Variants in ELF4 observed in about 807,000 individuals in gnomAD.
ELF4 encodes E74 like ETS transcription factor 4.
Under a neutral mutation model 31.7 loss-of-function variants are expected in ELF4, and 10 were observed. The ratio of observed to expected loss-of-function variants is 0.32; its 90% confidence interval spans 0.19 to 0.54. The LOEUF (loss-of-function observed/expected upper bound fraction) is 0.54. Among genes scored for constraint, ELF4 ranks in the 20% least tolerant of loss-of-function variants. The pLI is 0.95. For synonymous variants in ELF4, 208 were observed against 226.7 expected, an observed-to-expected ratio of 0.92 and a Z score of 0.74; for missense variants, 418 against 522.0, an observed-to-expected ratio of 0.80 and a Z score of 1.94.
Position 130,066,455 on chromosome X carries a change from A to T in ELF4, c.*266T>A. 2.6e-6 allele frequency: 1 copy of T among 379,567 alleles called. No individual in the cohort carries two copies. The highest frequency in any genetic ancestry group is 4.6e-6 in the Non-Finnish European group (1 of 219,160). 31.3% of individuals were successfully genotyped at this position (379,567 alleles called of 1,213,427 possible). On this transcript the variant is annotated 3_prime_UTR_variant, in exon 9 of 9. Transcript: ENST00000308167. The stretch of plus-strand genomic sequence containing the variant: ...CTGGCCACAAACTTCTGCCTGGCTC[A>T]AGGCTTTTTCCCTCCATCACCAAGT...
intron 1 of ELF4, among the ~76,000 whole-genome samples, chrX:130,110,026 C>G (rs1183246677): frequency 8.9e-6 from 1 of 112,139 alleles, no homozygotes; most frequent in Non-Finnish European, 1.9e-5. Flanking sequence ...TCTGGGGGCC[C>G]GCTGTCATGA....
chrX:130,079,464 A>T (rs903999439), intron 2 of ELF4, among the ~76,000 whole-genome samples: 1 of 111,617 alleles, frequency 9.0e-6, no homozygotes, highest in East Asian at 2.8e-4. Context: ...ATCTCAAAAA[A>T]TAAAAATAAA....
chrX:130,069,806 C>T lies in ELF4; in HGVS notation c.810-129G>A, dbSNP rs1332588812. 22 of 988,044 alleles carry T rather than the reference C, an allele frequency of 2.2e-5. No homozygotes were observed. In the Admixed American group the frequency reaches 3.6e-4, roughly 16 times the overall value. 81.4% of individuals were successfully genotyped at this position (988,044 alleles called of 1,213,427 possible). A position where few individuals can be genotyped will look rare whatever the true frequency, so the allele number is the denominator to read the frequency against. On this transcript the variant is annotated intron_variant, in intron 7 of 8. Coordinates refer to ENST00000308167, the MANE Select transcript of ELF4 (RefSeq NM_001421.4). ...AGGCTGAGTGAGGCTGGCTGGGGAG[C>T]CAGCTGAGGGCCCAAGGGCAAGGGA...
chrX:130,101,393 A>G (rs1488335117), intron 1 of ELF4, among the ~76,000 whole-genome samples: 1 of 112,679 alleles, frequency 8.9e-6, no homozygotes, highest in Non-Finnish European at 1.9e-5. Flanking sequence ...TATTTTACAA[A>G]TGCATAATAA....
chrX:130,064,330 C>G lies in ELF4; in HGVS notation c.*2391G>C, dbSNP rs886421543. 1.1e-4 allele frequency among the ~76,000 whole-genome samples: 12 copies of G among 111,582 alleles called. No homozygotes were observed. Among genetic ancestry groups the G allele is most frequent in the African/African-American group, 3.3e-4 (10 of 30,653 alleles). ...GCATGTGCCTGTACTCCCAGCTACT[C>G]AGGAGGCTGAGGCAGGAGAATCACT... On this transcript the variant is annotated 3_prime_UTR_variant, in exon 9 of 9. Coordinates refer to ENST00000308167, the MANE Select transcript of ELF4 (RefSeq NM_001421.4).
intron 1 of ELF4, among the ~76,000 whole-genome samples, chrX:130,101,769 A>T (rs1322711309): frequency 9.1e-6 from 1 of 109,757 alleles, no homozygotes; most frequent in Non-Finnish European, 1.9e-5. Flanking sequence ...ATTGCACTCC[A>T]GCCTGGGCGA....
At chrX:130,070,812 A>T (rs762912522) in intron 7 of ELF4, among the ~76,000 whole-genome samples, 9 of 103,970 alleles carry the variant, frequency 8.7e-5, no homozygotes, top group African/African-American at 3.1e-4. Flanking sequence ...AGAAAGAAAG[A>T]AAGAAAAAGG....
chrX:130,074,659 C>T lies in ELF4; in HGVS notation c.169G>A (p.Val57Ile), dbSNP rs951241783. 17 of 1,209,674 alleles carry T rather than the reference C, an allele frequency of 1.4e-5. No homozygotes were observed. The highest frequency in any genetic ancestry group is 1.8e-5 in the African/African-American group (1 of 57,031). Residue 57 changes from valine to isoleucine, a missense_variant, in exon 3 of 9, where the codon GTT becomes ATT. Coordinates refer to ENST00000308167, the MANE Select transcript of ELF4 (RefSeq NM_001421.4). ...CCGTCTGTTATGATGCCATTGTGAA[C>T]GTCGTCCAACTCCAGTCCCGAGTAC... ...HLYSGLELDD[V>I]HNGIITDGTL... is the part of the protein sequence containing the mutation.
chrX:130,071,001 C>T, intron 7 of ELF4, 39 bp downstream of exon 7: 3 of 1,208,020 alleles, frequency 2.5e-6, no homozygotes, highest in Non-Finnish European at 3.4e-6. Flanking sequence ...ATTGGTGATC[C>T]CCAGGGCAGG....
chrX:130,080,875 TG>T (rs1298178329), intron 2 of ELF4, among the ~76,000 whole-genome samples: 1 of 112,728 alleles, frequency 8.9e-6, no homozygotes, highest in Non-Finnish European at 1.9e-5. Flanking sequence ...GCTTTCTCAC[TG>T]TGACACTTTG....
intron 7 of ELF4, 146 bp downstream of exon 7, chrX:130,070,894 C>T: frequency 1.2e-6 from 1 of 834,607 alleles, no homozygotes; most frequent in Non-Finnish European, 1.8e-6. Flanking sequence ...GGGGAACAGA[C>T]ATAGGAGCAA....
chrX:130,081,573 A>C (rs1192871536), intron 1 of ELF4, 34 bp from the exon 2 acceptor site: 2 of 428,340 alleles, frequency 4.7e-6, no homozygotes, highest in African/African-American at 4.9e-5. Flanking sequence ...ACAGTGAGTA[A>C]GTCACCTTCC....
chrX:130,100,849 C>T (rs960476985), intron 1 of ELF4, among the ~76,000 whole-genome samples: 1 of 112,264 alleles, frequency 8.9e-6, no homozygotes, highest in Admixed American at 9.5e-5. Context: ...ATGAAGTTCA[C>T]CTAAATTCTC....
rs1196797371 is a variant in ELF4 at position 130,072,215 on chromosome X, C to T, written c.532+11G>A. On this transcript the variant is annotated intron_variant, in intron 5 of 8. Coordinates refer to ENST00000308167, the MANE Select transcript of ELF4 (RefSeq NM_001421.4). The stretch of plus-strand genomic sequence containing the variant: ...TCGGAGACACACATACACTCACTCT[C>T]CCCCACTTACTTCTCTTCTTTGATT... 1 of 1,191,279 alleles carries T rather than the reference C, an allele frequency of 8.4e-7. No homozygotes were observed. Among genetic ancestry groups the T allele is most frequent in the East Asian group, 3.0e-5 (1 of 33,300 alleles).
chrX:130,084,395 G>A (rs187764231), intron 1 of ELF4, among the ~76,000 whole-genome samples: 1 of 112,663 alleles, frequency 8.9e-6, no homozygotes, highest in Non-Finnish European at 1.9e-5. Context: ...GAGCTGGTGG[G>A]GGAGGGAGGC....
intron 1 of ELF4, among the ~76,000 whole-genome samples, chrX:130,101,877 C>T (rs1933267326): frequency 8.9e-6 from 1 of 112,131 alleles, no homozygotes; most frequent in African/African-American, 3.2e-5. Flanking sequence ...TGGCTCACGC[C>T]GGTAATCCCA....
intron 1 of ELF4, among the ~76,000 whole-genome samples, chrX:130,096,448 T>C (rs1054187497): frequency 6.3e-5 from 7 of 110,980 alleles, no homozygotes; most frequent in African/African-American, 2.3e-4. Flanking sequence ...CTTCCCAAAG[T>C]GCTGAGGTGA....
chrX:130,085,327 C>T (rs915513058), intron 1 of ELF4, among the ~76,000 whole-genome samples: 1 of 111,972 alleles, frequency 8.9e-6, no homozygotes, highest in Non-Finnish European at 1.9e-5. Flanking sequence ...AGGCGCCGAC[C>T]TCCTGGCCTG....
chrX:130,088,094 G>C (rs1387349476), intron 1 of ELF4, among the ~76,000 whole-genome samples: 2 of 111,042 alleles, frequency 1.8e-5, no homozygotes, highest in Non-Finnish European at 3.8e-5. Context: ...AGCCCTTTAG[G>C]AAGGGCAGTT....
Sources: gnomAD v4.1 joint callset for allele counts (sites outside exome capture counted in the v4.1 genomes callset) on GRCh38, gnomAD v4.1.1 for gene constraint, MANE v1.5 for transcripts, NCBI Gene and HGNC (gene_info 2026-07-23, HGNC 2026-07-21) for gene names.